The following MYO3A variants were observed in gnomAD, a reference collection of about 807,000 sequenced individuals.
MYO3A encodes the protein myosin IIIA.
In MYO3A, 180 loss-of-function variants were observed where a neutral mutation model predicts 192.7. The observed-to-expected ratio is 0.93, with a 90% confidence interval of 0.83 to 1.06. MYO3A has a LOEUF of 1.06. MYO3A is among the 50% of genes least tolerant of loss of function. The probability of loss-of-function intolerance (pLI) is 0.00; values close to 1 mark genes in which losing one functional copy is unlikely to be tolerated. For missense variants in MYO3A, 1,896 were observed against 1,905.0 expected, an observed-to-expected ratio of 1.00 and a Z score of 0.09; for synonymous variants, 628 against 645.3, an observed-to-expected ratio of 0.97 and a Z score of 0.41.
intron 6 of MYO3A, among the ~76,000 whole-genome samples, chr10:26,016,462 C>G (rs942565182): frequency 2.0e-5 from 3 of 152,034 alleles, no homozygotes; most frequent in African/African-American, 7.3e-5. Flanking sequence ...AGGAAGCACG[C>G]CATTCAAATA....
chr10:26,192,328 A>C (rs1843181593), intron 31 of MYO3A, among the ~76,000 whole-genome samples: 1 of 152,192 alleles, frequency 6.6e-6, no homozygotes, highest in South Asian at 2.1e-4. Flanking sequence ...AATTTTGGAG[A>C]AAGAATAGAT....
chr10:26,171,678 T>TA (rs893155847), intron 29 of MYO3A, among the ~76,000 whole-genome samples: 1 of 152,174 alleles, frequency 6.6e-6, no homozygotes, highest in African/African-American at 2.4e-5. Flanking sequence ...TTACTGGCGA[T>TA]AAAACAGTCC....
At chr10:26,017,429 C>A (rs1842042548) in intron 7 of MYO3A, among the ~76,000 whole-genome samples, 1 of 152,088 alleles carries the variant, frequency 6.6e-6, no homozygotes, top group Non-Finnish European at 1.5e-5. Context: ...CATCTTCTCC[C>A]CCCATCACTA....
At chr10:26,172,766 G>A (rs1842112235) in intron 29 of MYO3A, among the ~76,000 whole-genome samples, 2 of 152,118 alleles carry the variant, frequency 1.3e-5, no homozygotes, top group African/African-American at 4.8e-5. Context: ...CTAGCCTGGG[G>A]ATACCACAGT....
intron 10 of MYO3A, among the ~76,000 whole-genome samples, chr10:26,060,150 T>A (rs145944133): frequency 0.046 from 7,000 of 151,922 alleles, 212 homozygotes; most frequent in Non-Finnish European, 0.07. Flanking sequence ...TCCCAGCTAC[T>A]TGGGAGGCTG....
At chr10:25,972,706 T>A (rs575821916) in intron 4 of MYO3A, among the ~76,000 whole-genome samples, 1 of 152,290 alleles carries the variant, frequency 6.6e-6, no homozygotes, top group African/African-American at 2.4e-5. Flanking sequence ...TTAGGGCATA[T>A]GTACAATCAC....
intron 2 of MYO3A, among the ~76,000 whole-genome samples, chr10:25,951,758 A>T (rs1371909814): frequency 6.6e-6 from 1 of 152,182 alleles, no homozygotes; most frequent in Non-Finnish European, 1.5e-5. Context: ...TTCATTCTAA[A>T]ATTATTTGAT....
At chr10:26,211,788 G>C in intron 34 of MYO3A, 55 bp from the exon 35 acceptor site, 6 of 1,609,604 alleles carry the variant, frequency 3.7e-6, no homozygotes, top group Non-Finnish European at 5.1e-6. Context: ...GGTAGGTGGG[G>C]ACGCGCTGCT....
At chr10:26,210,091 G>C (rs919731523) in intron 34 of MYO3A, among the ~76,000 whole-genome samples, 30 of 133,256 alleles carry the variant, frequency 2.3e-4, no homozygotes, top group African/African-American at 7.9e-4. Context: ...GTGACAGAGT[G>C]AGAAAGAGCG....
chr10:25,988,266 C>T (rs1232764689), intron 4 of MYO3A, among the ~76,000 whole-genome samples: 1 of 152,078 alleles, frequency 6.6e-6, no homozygotes, highest in African/African-American at 2.4e-5. Flanking sequence ...ACAGTGTACA[C>T]AGCTCGGGTG....
intron 10 of MYO3A, among the ~76,000 whole-genome samples, chr10:26,036,653 C>T (rs1222202159): frequency 1.3e-5 from 2 of 152,164 alleles, no homozygotes; most frequent in Admixed American, 6.5e-5. Flanking sequence ...AATGACAAGT[C>T]GCCAGTGGCT....
At chr10:26,043,664 A>C (rs1843482275) in intron 10 of MYO3A, among the ~76,000 whole-genome samples, 1 of 152,156 alleles carries the variant, frequency 6.6e-6, no homozygotes, top group Non-Finnish European at 1.5e-5. Flanking sequence ...AGTGCTCTTC[A>C]TTCAGCTCAT....
chr10:25,988,391 T>G (rs1366679252), intron 4 of MYO3A, among the ~76,000 whole-genome samples: 1 of 151,692 alleles, frequency 6.6e-6, no homozygotes, highest in African/African-American at 2.4e-5. Context: ...AAAAATAAAA[T>G]AAAAAAATAG....
At chr10:25,994,818 A>C (rs1840313414) in intron 4 of MYO3A, among the ~76,000 whole-genome samples, 1 of 152,150 alleles carries the variant, frequency 6.6e-6, no homozygotes, top group Admixed American at 6.5e-5. Context: ...TCTTTTCTTT[A>C]AGAATGTTGA....
intron 15 of MYO3A, among the ~76,000 whole-genome samples, chr10:26,093,335 T>G (rs949615902): frequency 6.6e-6 from 1 of 152,248 alleles, no homozygotes; most frequent in Non-Finnish European, 1.5e-5. Flanking sequence ...AATTATATGC[T>G]GTGCCAGTCG....
intron 3 of MYO3A, among the ~76,000 whole-genome samples, chr10:25,953,810 A>T (rs1837367543): frequency 6.6e-6 from 1 of 152,126 alleles, no homozygotes; most frequent in African/African-American, 2.4e-5. Context: ...TTTTGCTTTC[A>T]TTCTTGTCAC....
intron 17 of MYO3A, among the ~76,000 whole-genome samples, chr10:26,115,277 A>G (rs1230877782): frequency 1.3e-5 from 2 of 152,134 alleles, no homozygotes; most frequent in Non-Finnish European, 2.9e-5. Context: ...CAAGAAGAGG[A>G]TCATGGCAGA....
chr10:26,101,188 A>G (rs899703162), intron 17 of MYO3A, among the ~76,000 whole-genome samples: 1 of 152,126 alleles, frequency 6.6e-6, no homozygotes, highest in Non-Finnish European at 1.5e-5. Flanking sequence ...GTTAGTTTAC[A>G]GTCTGTTTTA....
intron 6 of MYO3A, among the ~76,000 whole-genome samples, chr10:26,009,171 G>A (rs958410169): frequency 2.0e-5 from 3 of 150,502 alleles, no homozygotes; most frequent in African/African-American, 7.4e-5. Flanking sequence ...GGTGGGAATT[G>A]AACAGTGAGA....
Sources: allele counts gnomAD v4.1 joint callset (sites outside exome capture counted in the v4.1 genomes callset), GRCh38; gene constraint gnomAD v4.1.1; transcripts MANE v1.5; gene names NCBI Gene and HGNC (gene_info 2026-07-23, HGNC 2026-07-21).